CD44: variants seen among roughly 807,000 people sequenced by gnomAD.
CD44 encodes CD44 molecule (IN blood group), also known as CD44 antigen.
Under a neutral mutation model 88.8 loss-of-function variants are expected in CD44, and 49 were observed. The ratio of observed to expected loss-of-function variants is 0.55; its 90% CI spans 0.44 to 0.70. CD44 has a LOEUF of 0.70. CD44 is among the 30% of genes least tolerant of loss of function. The pLI, the probability that CD44 is intolerant of heterozygous loss-of-function variation, is 0.00. For missense variants in CD44, 883 were observed against 913.8 expected, an observed-to-expected ratio of 0.97 and a Z score of 0.43; for synonymous variants, 325 against 312.3, an observed-to-expected ratio of 1.04 and a Z score of -0.43.
intron 1 of CD44, among the ~76,000 whole-genome samples, chr11:35,160,580 G>A (rs567066895): frequency 6.6e-6 from 1 of 152,314 alleles, no homozygotes; most frequent in Non-Finnish European, 1.5e-5. Context: ...TAGAGGCAGA[G>A]GGATGGGTTG....
At chr11:35,208,037 A>G (rs2134143894) in intron 11 of CD44, 68 bp from the exon 12 acceptor site, 2 of 918,304 alleles carry the variant, frequency 2.2e-6, no homozygotes, top group East Asian at 4.8e-5. Flanking sequence ...AATCAGCTGT[A>G]GACCATAAGC....
chr11:35,205,880 A>C, intron 10 of CD44: 1 of 1,164,090 alleles, frequency 8.6e-7, no homozygotes, highest in South Asian at 3.5e-5. Flanking sequence ...GGAGTTGTTA[A>C]TGCTTTTGTG....
intron 1 of CD44, among the ~76,000 whole-genome samples, chr11:35,145,902 C>T (rs907794508): frequency 3.3e-5 from 5 of 152,200 alleles, no homozygotes; most frequent in African/African-American, 1.2e-4. Context: ...TGACATCCGA[C>T]GGGGAGCCAC....
intron 5 of CD44, chr11:35,190,341 T>G: frequency 2.0e-6 from 1 of 512,392 alleles, no homozygotes; most frequent in African/African-American, 1.9e-5. Flanking sequence ...CCCTCCTTAT[T>G]CTCTTATCCC....
At chr11:35,157,091 G>T (rs12280381) in intron 1 of CD44, among the ~76,000 whole-genome samples, 1 of 152,098 alleles carries the variant, frequency 6.6e-6, no homozygotes, top group African/African-American at 2.4e-5. Context: ...AACCTCTATC[G>T]AGACAGTGAC....
intron 1 of CD44, among the ~76,000 whole-genome samples, chr11:35,149,074 TC>T: frequency 6.6e-6 from 1 of 152,176 alleles, no homozygotes; most frequent in Middle Eastern, 3.2e-3. Context: ...AGAACGGGGA[TC>T]TGGATTTCCT....
At chr11:35,201,611 T>C (rs11033025) in intron 8 of CD44, 60 bp from the exon 9 acceptor site, 1,134,193 of 1,597,092 alleles carry the variant, frequency 0.71, 406,970 homozygotes, top group East Asian at 0.94. Flanking sequence ...AATGGAAGAA[T>C]AGAATCATTA....
intron 1 of CD44, among the ~76,000 whole-genome samples, chr11:35,173,316 G>A (rs1350073471): frequency 6.6e-6 from 1 of 152,216 alleles, no homozygotes; most frequent in African/African-American, 2.4e-5. Context: ...AGAGGCCCCG[G>A]AAGGTCTGTC....
intron 5 of CD44, among the ~76,000 whole-genome samples, chr11:35,195,315 C>T (rs936126907): frequency 1.3e-5 from 2 of 151,842 alleles, no homozygotes; most frequent in Non-Finnish European, 2.9e-5. Flanking sequence ...CCTTATATGA[C>T]ATTGGATAAA....
At position 35,142,933 on chromosome 11, in the gene CD44, C is replaced by A. The variant is rs554924268; in HGVS notation, c.67+3563C>A. Among the ~76,000 whole-genome samples the A allele has an allele frequency of 5.4e-4, 82 of 152,210 alleles. 1 individual carries two copies. The highest frequency in any genetic ancestry group is 1.9e-3 in the African/African-American group (79 of 41,540). ...AAGAGAGGGACTAGTGACTTCCCCT[C>A]TCTGCGACTTGTTAAGATATTAGGG... On this transcript the variant is annotated intron_variant, in intron 1 of 17. Coordinates refer to ENST00000428726, the MANE Select transcript of CD44 (RefSeq NM_000610.4).
At chr11:35,216,362 A>G (rs1188718214) in intron 15 of CD44, among the ~76,000 whole-genome samples, 5 of 152,172 alleles carry the variant, frequency 3.3e-5, no homozygotes, top group Admixed American at 1.3e-4. Flanking sequence ...TAAATGATTT[A>G]AGCCATATCA....
intron 1 of CD44, among the ~76,000 whole-genome samples, chr11:35,142,989 G>A (rs920720099): frequency 2.8e-4 from 42 of 152,058 alleles, no homozygotes; most frequent in African/African-American, 9.7e-4. Flanking sequence ...TCTCTATCAT[G>A]AGGACTGTGG....
intron 17 of CD44, among the ~76,000 whole-genome samples, chr11:35,227,239 G>T (rs926504395): frequency 2.6e-5 from 4 of 152,138 alleles, no homozygotes; most frequent in Non-Finnish European, 5.9e-5. Flanking sequence ...AGGCTGGAAT[G>T]CAGTGGCACA....
intron 5 of CD44, among the ~76,000 whole-genome samples, chr11:35,192,879 A>AT (rs1183986283): frequency 7.5e-6 from 1 of 133,526 alleles, no homozygotes; most frequent in Non-Finnish European, 1.6e-5. Context: ...AGCTTTTTCC[A>AT]TTTTTCCCCC....
intron 1 of CD44, among the ~76,000 whole-genome samples, chr11:35,143,636 C>CA (rs1464233748): frequency 2.0e-5 from 3 of 152,060 alleles, no homozygotes; most frequent in Admixed American, 1.3e-4. Context: ...TCCCACACTA[C>CA]CTGTCCCCTG....
intron 10 of CD44, among the ~76,000 whole-genome samples, chr11:35,205,084 T>G (rs1042900431): frequency 1.3e-5 from 2 of 152,224 alleles, no homozygotes; most frequent in African/African-American, 4.8e-5. Context: ...AGACATTATG[T>G]GAAAAGTGAC....
intron 1 of CD44, among the ~76,000 whole-genome samples, chr11:35,146,359 T>A (rs927590635): frequency 2.6e-5 from 4 of 152,224 alleles, no homozygotes; most frequent in African/African-American, 9.6e-5. Context: ...TGTTGTGGCA[T>A]TGCAAGTCTC....
rs374806320 is a variant in CD44 at position 35,176,757 on chromosome 11, C to T, written c.233+17C>T. 2.4e-5 allele frequency: 39 copies of T among 1,607,978 alleles called. No homozygotes were observed. The South Asian group carries it at 3.8e-4, about 16-fold the overall frequency. Reference sequence around the variant, plus strand: ...GACCTGCAGGTAAGAGACCAGCACCCGACCACTGGGGAAAGCTGGCGGCCT... The same window carrying T: ...GACCTGCAGGTAAGAGACCAGCACCTGACCACTGGGGAAAGCTGGCGGCCT... On this transcript the variant is annotated intron_variant, in intron 2 of 17. Coordinates refer to ENST00000428726, the MANE Select transcript of CD44 (RefSeq NM_000610.4).
chr11:35,153,486 C>T (rs1941455824), intron 1 of CD44, among the ~76,000 whole-genome samples: 2 of 152,154 alleles, frequency 1.3e-5, no homozygotes, highest in African/African-American at 2.4e-5. Context: ...TGCCCAGACT[C>T]TCTGAGCAAT....
Sources: allele counts gnomAD v4.1 joint callset (sites outside exome capture counted in the v4.1 genomes callset), GRCh38; gene constraint gnomAD v4.1.1; transcripts MANE v1.5; gene names NCBI Gene and HGNC (gene_info 2026-07-23, HGNC 2026-07-21).